The following BTRC variants were observed in gnomAD, a reference collection of about 807,000 sequenced individuals.
The protein encoded by BTRC is beta-transducin repeat containing E3 ubiquitin protein ligase.
A neutral mutation model predicts 85.5 loss-of-function variants in BTRC; 42 were observed. The ratio of observed to expected loss-of-function variants is 0.49; its 90% confidence interval spans 0.38 to 0.64. The LOEUF is 0.64. Ranked by LOEUF, BTRC falls within the 30% of genes least tolerant of loss-of-function variation. BTRC has a pLI of 0.00. For missense variants in BTRC, 594 were observed against 743.5 expected (o/e 0.80, Z 2.34); for synonymous variants, 255 against 263.3 (o/e 0.97, Z 0.30).
At chr10:101,362,193 G>A (rs528194646) in intron 1 of BTRC, among the ~76,000 whole-genome samples, 327 of 152,034 alleles carry the variant, frequency 2.2e-3, no homozygotes, top group Non-Finnish European at 3.6e-3. Context: ...TCTCCTCCTT[G>A]TGATTCGCCC....
At chr10:101,524,456 C>T (rs1483669227) in intron 5 of BTRC, among the ~76,000 whole-genome samples, 7 of 152,118 alleles carry the variant, frequency 4.6e-5, no homozygotes, top group Non-Finnish European at 1.0e-4. Context: ...GGTATTAAAT[C>T]ATCAATCTAA....
At chr10:101,421,758 G>A (rs1400383569) in intron 1 of BTRC, among the ~76,000 whole-genome samples, 1 of 151,206 alleles carries the variant, frequency 6.6e-6, no homozygotes, top group Non-Finnish European at 1.5e-5. Flanking sequence ...TGCTGAGAAT[G>A]ATGGTTTCCA....
Position 101,538,384 on chromosome 10 carries a change from C to G in BTRC, c.1656+13C>G. The G allele has an allele frequency of 6.2e-7, 1 of 1,604,694 alleles. No individual in the cohort carries two copies. ...ACGGACCCTTGTGGTAAGAGCCTTGCTGTTTAGAGAGCATTGGAGAGCAGG... is the reference window on the plus strand; with the variant it reads ...ACGGACCCTTGTGGTAAGAGCCTTGGTGTTTAGAGAGCATTGGAGAGCAGG... On this transcript the variant is annotated intron_variant, in intron 13 of 14. Transcript: ENST00000370187.
chr10:101,381,222 CATCTT>C (rs1227744209), intron 1 of BTRC, among the ~76,000 whole-genome samples: 1 of 152,142 alleles, frequency 6.6e-6, no homozygotes, highest in Non-Finnish European at 1.5e-5. Context: ...TTGATCCTCT[CATCTT>C]ATTAGGTGTG....
At chr10:101,358,020 G>A (rs1418600671) in intron 1 of BTRC, among the ~76,000 whole-genome samples, 1 of 152,106 alleles carries the variant, frequency 6.6e-6, no homozygotes, top group African/African-American at 2.4e-5. Flanking sequence ...ATGATTGAGG[G>A]AATATAGACC....
chr10:101,453,985 T>C (rs1272081013), intron 2 of BTRC, among the ~76,000 whole-genome samples: 2 of 152,208 alleles, frequency 1.3e-5, no homozygotes, highest in African/African-American at 2.4e-5. Flanking sequence ...CCAGTTAAAC[T>C]TTATTTGCAA....
intron 13 of BTRC, among the ~76,000 whole-genome samples, chr10:101,550,293 AT>A (rs954333385): frequency 8.1e-5 from 12 of 147,742 alleles, no homozygotes; most frequent in African/African-American, 9.9e-5. Context: ...TTTTTATTTT[AT>A]TTTTTTTTTA....
intron 1 of BTRC, among the ~76,000 whole-genome samples, chr10:101,368,954 G>C (rs911240836): frequency 3.9e-5 from 6 of 152,120 alleles, no homozygotes; most frequent in Non-Finnish European, 8.8e-5. Flanking sequence ...GGGAGGCGGA[G>C]GTTGCAGTGA....
intron 2 of BTRC, among the ~76,000 whole-genome samples, chr10:101,436,619 A>T (rs574810181): frequency 5.7e-4 from 72 of 125,322 alleles, no homozygotes; most frequent in Admixed American, 1.8e-3. Flanking sequence ...TGTTTCAATT[A>T]AAAAAAATAG....
At chr10:101,517,909 C>CT (rs142382301) in intron 4 of BTRC, among the ~76,000 whole-genome samples, 3,837 of 116,114 alleles carry the variant, frequency 0.033, 211 homozygotes, top group East Asian at 0.23. Flanking sequence ...GAAGTAGTGT[C>CT]TTTTTTTTTT....
chr10:101,410,621 A>G (rs1943750083), intron 1 of BTRC, among the ~76,000 whole-genome samples: 1 of 152,052 alleles, frequency 6.6e-6, no homozygotes, highest in Non-Finnish European at 1.5e-5. Context: ...CTTGGACAAA[A>G]AAAAGGAAGA....
chr10:101,516,098 GA>G (rs1191380911), intron 4 of BTRC, among the ~76,000 whole-genome samples: 1 of 152,018 alleles, frequency 6.6e-6, no homozygotes, highest in Non-Finnish European at 1.5e-5. Context: ...AATTAAAATA[GA>G]AAAAATATAT....
chr10:101,477,365 A>G (rs1290285030), intron 3 of BTRC, among the ~76,000 whole-genome samples: 3 of 152,148 alleles, frequency 2.0e-5, no homozygotes, highest in South Asian at 2.1e-4. Flanking sequence ...TTTGATAAAC[A>G]TAATTTATAC....
At chr10:101,384,067 T>G (rs1207709870) in intron 1 of BTRC, among the ~76,000 whole-genome samples, 1 of 152,216 alleles carries the variant, frequency 6.6e-6, no homozygotes, top group African/African-American at 2.4e-5. Flanking sequence ...CGAATTTTCT[T>G]TACTTTGCTC....
chr10:101,460,805 CTCA>C (rs1186863736), intron 2 of BTRC, among the ~76,000 whole-genome samples: 2 of 152,110 alleles, frequency 1.3e-5, no homozygotes, highest in Non-Finnish European at 2.9e-5. Context: ...CAGATAAACT[CTCA>C]TGTTAAAAAT....
At chr10:101,506,912 G>T (rs1385980236) in intron 4 of BTRC, among the ~76,000 whole-genome samples, 1 of 152,008 alleles carries the variant, frequency 6.6e-6, no homozygotes, top group African/African-American at 2.4e-5. Context: ...ATGGACTCAG[G>T]GTCTCTGAAA....
rs1046203331 is a variant in BTRC, at chr10:101,557,197, A to G, written c.*4074A>G. On this transcript the variant is annotated 3_prime_UTR_variant, in exon 15 of 15. Coordinates refer to ENST00000370187, the MANE Select transcript of BTRC (RefSeq NM_033637.4). Reference sequence around the variant, plus strand: ...TGACTTTTGTGATTATGTTATGGTGATGTGTAGTCAGTGTACCAATATGTT... The same window carrying G: ...TGACTTTTGTGATTATGTTATGGTGGTGTGTAGTCAGTGTACCAATATGTT... The G allele has an allele frequency of 3.9e-5, 6 of 152,120 alleles. No homozygotes were observed. The highest frequency in any genetic ancestry group is 1.2e-4 in the African/African-American group (5 of 41,432). The allele number at this position is 152,120 out of a possible 1,614,324, so 9.4% of individuals were successfully genotyped here.
intron 1 of BTRC, among the ~76,000 whole-genome samples, chr10:101,420,700 G>A (rs931463059): frequency 1.7e-4 from 26 of 151,580 alleles, no homozygotes; most frequent in Non-Finnish European, 2.5e-4. Context: ...TTTCCCTCTC[G>A]GGAATACCCT....
chr10:101,475,616 A>G (rs905210204), intron 3 of BTRC, among the ~76,000 whole-genome samples: 2 of 152,028 alleles, frequency 1.3e-5, no homozygotes, highest in Non-Finnish European at 2.9e-5. Flanking sequence ...TATTTTCCCC[A>G]TTTTTTCTTA....
Sources: gnomAD v4.1 joint callset for allele counts (sites outside exome capture counted in the v4.1 genomes callset) on GRCh38, gnomAD v4.1.1 for gene constraint, MANE v1.5 for transcripts, NCBI Gene and HGNC (gene_info 2026-07-23, HGNC 2026-07-21) for gene names.